MYO15B: variants seen among roughly 807,000 people sequenced by gnomAD.
MYO15B encodes the protein myosin XVB pseudogene.
Under a neutral mutation model 119.3 loss-of-function variants are expected in MYO15B, and 207 were observed. That is an observed-to-expected ratio of 1.73 (90% CI 1.55 to 1.95). The LOEUF (loss-of-function observed/expected upper bound fraction) is 1.95, where lower values mean the gene tolerates loss of function less well. Among genes scored for constraint, MYO15B ranks in the 30% most tolerant of loss-of-function variants. The pLI, the probability that MYO15B is intolerant of heterozygous loss-of-function variation, is 0.00. For synonymous variants in MYO15B, 966 were observed against 498.9 expected, an observed-to-expected ratio of 1.94 and a Z score of -12.48; for missense variants, 2,264 against 1,203.1, an observed-to-expected ratio of 1.88 and a Z score of -13.04.
At chr17:75,624,590 G>C in exon 58 of MYO15B, 1 of 702,954 alleles carries the variant, frequency 1.4e-6, no homozygotes, top group Non-Finnish European at 2.6e-6. Context: ...TGGGTATCAC[G>C]GAGCCTCAGG....
chr17:75,604,477 C>G (rs2057489548), intron 19 of MYO15B, among the ~76,000 whole-genome samples: 2 of 144,226 alleles, frequency 1.4e-5, no homozygotes, highest in African/African-American at 5.2e-5. Flanking sequence ...CTGCCACGCC[C>G]CTCCCTCCCT....
chr17:75,605,101 C>T (rs2147889297), intron 19 of MYO15B, among the ~76,000 whole-genome samples: 1 of 150,720 alleles, frequency 6.6e-6, no homozygotes, highest in South Asian at 2.1e-4. Context: ...TGCACCATTG[C>T]ACTCCAGCCT....
exon 45 of MYO15B, chr17:75,619,467 T>A (rs1032636635): frequency 4.3e-6 from 3 of 702,388 alleles, no homozygotes; most frequent in Non-Finnish European, 7.8e-6. Flanking sequence ...CCCGCTTCTT[T>A]CCTGTCTCGG....
intron 21 of MYO15B, among the ~76,000 whole-genome samples, chr17:75,609,485 ATTTTTTTT>A (rs749247022): frequency 3.8e-5 from 3 of 77,996 alleles, no homozygotes; most frequent in Admixed American, 1.5e-4. Flanking sequence ...AAGGGAAATG[ATTTTTTTT>A]TTTTTTTTTT....
chr17:75,603,933 C>T (rs2057450715), intron 19 of MYO15B, among the ~76,000 whole-genome samples: 1 of 152,156 alleles, frequency 6.6e-6, no homozygotes, highest in Non-Finnish European at 1.5e-5. Context: ...CAGGTGGAGT[C>T]ACTTCTCGTT....
chr17:75,616,399 A>G (rs892053757), exon 38 of MYO15B: 56 of 622,730 alleles, frequency 9.0e-5, no homozygotes, highest in Non-Finnish European at 1.6e-4. Context: ...GAGGAGGAGG[A>G]GGAGGAGGAG....
Position 75,615,711 on chromosome 17 carries a change from C to T in MYO15B, c.5857C>T (p.Gln1953Ter), listed in dbSNP as rs2058329975. ...GCTTCAGGCCCAGCAGATGACAGCCCAGGCCATGTCCCTGTCCCTGGAGCA... is the reference window on the plus strand; with the variant it reads ...GCTTCAGGCCCAGCAGATGACAGCCTAGGCCATGTCCCTGTCCCTGGAGCA... Residue 1953 changes from glutamine (Q) to a stop codon, truncating the protein, a stop_gained, in exon 36 of 64, where the codon CAG (glutamine) becomes TAG (stop). Transcript: ENST00000645453. LOFTEE classifies it high-confidence loss of function. 2 of 691,288 alleles carry T rather than the reference C, an allele frequency of 2.9e-6. No individual in the cohort carries two copies. The highest frequency in any genetic ancestry group is 2.0e-5 in the Admixed American group (1 of 48,998). The allele number at this position is 691,288 out of a possible 1,614,324, so 42.8% of individuals were successfully genotyped here.
At chr17:75,604,325 GACCACAGACTGTC>G (rs2057475572) in intron 19 of MYO15B, among the ~76,000 whole-genome samples, 1 of 152,082 alleles carries the variant, frequency 6.6e-6, no homozygotes. Context: ...GGCATCCCGT[GACCACAGACTGTC>G]ACCCACATCC....
In MYO15B at chr17:75,621,971, AGCTATGTGCCCTGTTTCTTATCGT is replaced by A; in HGVS notation, c.8006-30_8006-7del. 1 of 702,512 alleles carries A rather than the reference AGCTATGTGCCCTGTTTCTTATCGT, an allele frequency of 1.4e-6. No homozygotes were observed. The highest frequency in any genetic ancestry group is 2.6e-6 in the Non-Finnish European group (1 of 384,698). 43.5% of individuals were successfully genotyped at this position (702,512 alleles called of 1,614,324 possible). The stretch of plus-strand genomic sequence containing the variant: ...CCGGGGCCAGCCCCAGCACAGCCCC[AGCTATGTGCCCTGTTTCTTATCGT>A]GCCTGCAGCCCTGATGCGGTTTATG... On this transcript the variant is annotated splice_polypyrimidine_tract_variant and intron_variant, in intron 52 of 63. Coordinates refer to ENST00000645453, the Ensembl canonical transcript of MYO15B.
At chr17:75,596,641 TGA>T in intron 13 of MYO15B, 86 bp downstream of exon 13, 4 of 689,378 alleles carry the variant, frequency 5.8e-6, no homozygotes, top group Non-Finnish European at 1.1e-5. Context: ...AGTTGGGAAC[TGA>T]GAGCTCTGCC....
chr17:75,590,369 C>G (rs989652179), intron 1 of MYO15B, 126 bp downstream of exon 1: 3 of 398,204 alleles, frequency 7.5e-6, no homozygotes, highest in African/African-American at 2.1e-5. Context: ...TTGAACCCTC[C>G]TGGCAGGAAG....
chr17:75,626,120 G>A (rs1000355611), exon 63 of MYO15B: 39 of 702,976 alleles, frequency 5.5e-5, no homozygotes, highest in African/African-American at 4.5e-4. Context: ...TGAAGAGCCT[G>A]CAGCGGCTCC....
At chr17:75,590,328 A>T (rs191359022) in intron 1 of MYO15B, 85 bp downstream of exon 1, 127 of 398,834 alleles carry the variant, frequency 3.2e-4, no homozygotes, top group Middle Eastern at 1.3e-3. Flanking sequence ...AATTGCGTGT[A>T]GACCCTTATT....
exon 49 of MYO15B, chr17:75,620,489 G>C (rs774609005): frequency 1.1e-5 from 8 of 702,628 alleles, no homozygotes; most frequent in South Asian, 4.4e-5. Context: ...GCTCTGCCGG[G>C]GGCCGTTCCG....
rs115618255 is a variant in MYO15B at position 75,611,072 on chromosome 17, C to T, written c.4446+113C>T. ...GTGGGTCTTGTCCCTCAGGGCCATG[C>T]ATTGCACCTCCTGAGAAGAGGACCG... On this transcript the variant is annotated intron_variant, in intron 23 of 63. Coordinates refer to ENST00000645453, the Ensembl canonical transcript of MYO15B. The T allele has an allele frequency of 6.3e-3, 4,315 of 685,878 alleles. 111 individuals are homozygous for T. The African/African-American group carries it at 0.064, about 10-fold the overall frequency. 42.5% of individuals were successfully genotyped at this position (685,878 alleles called of 1,614,324 possible).
chr17:75,592,925 TAGG>T, intron 9 of MYO15B, 85 bp downstream of exon 9: 1 of 650,944 alleles, frequency 1.5e-6, no homozygotes, highest in East Asian at 2.7e-5. Flanking sequence ...TGCTGGTGTG[TAGG>T]AGACTACAGA....
chr17:75,612,928 G>T (rs1056603743), intron 26 of MYO15B, 35 bp downstream of exon 26: 3 of 692,680 alleles, frequency 4.3e-6, no homozygotes, highest in Non-Finnish European at 7.9e-6. Context: ...CAGGATAGGC[G>T]CCTGGGAGCC....
At chr17:75,614,334 C>T (rs1238120493) in exon 30 of MYO15B, 1 of 702,714 alleles carries the variant, frequency 1.4e-6, no homozygotes, top group East Asian at 2.7e-5. Context: ...CTCGCCCCCG[C>T]AGCTACCCCA....
intron 53 of MYO15B, among the ~76,000 whole-genome samples, chr17:75,622,506 G>A (rs1274502720): frequency 1.3e-5 from 2 of 152,226 alleles, no homozygotes; most frequent in East Asian, 3.8e-4. Flanking sequence ...AGGATGGGGA[G>A]CGGATGGTGG....
Sources: gnomAD v4.1 joint callset for allele counts (sites outside exome capture counted in the v4.1 genomes callset) on GRCh38, gnomAD v4.1.1 for gene constraint, MANE v1.5 for transcripts, NCBI Gene and HGNC (gene_info 2026-07-23, HGNC 2026-07-21) for gene names.